ZFAND3: variants seen among roughly 807,000 people sequenced by gnomAD.
ZFAND3 encodes zinc finger AN1-type containing 3.
A neutral mutation model predicts 29.6 loss-of-function variants in ZFAND3; 10 were observed. The ratio of observed to expected loss-of-function variants is 0.34; its 90% confidence interval spans 0.21 to 0.57. The LOEUF (loss-of-function observed/expected upper bound fraction) is 0.57, where lower values mean the gene tolerates loss of function less well. Ranked by LOEUF, ZFAND3 falls within the 20% of genes least tolerant of loss-of-function variation. ZFAND3 has a pLI of 0.86. For missense variants in ZFAND3, 230 were observed against 304.5 expected, an observed-to-expected ratio of 0.76 and a Z score of 1.82; for synonymous variants, 128 against 112.6, an observed-to-expected ratio of 1.14 and a Z score of -0.87.
At chr6:38,038,837 A>T (rs879721722) in intron 2 of ZFAND3, among the ~76,000 whole-genome samples, 1 of 152,190 alleles carries the variant, frequency 6.6e-6, no homozygotes, top group Non-Finnish European at 1.5e-5. Context: ...AGCTGAATCT[A>T]TATCATATAA....
chr6:38,124,765 C>T (rs1765601563), intron 5 of ZFAND3, among the ~76,000 whole-genome samples: 1 of 152,226 alleles, frequency 6.6e-6, no homozygotes, highest in Non-Finnish European at 1.5e-5. Context: ...GAGGGGCCCC[C>T]ACAGCGCAGT....
At chr6:37,896,258 C>A (rs1296588909) in intron 1 of ZFAND3, among the ~76,000 whole-genome samples, 1 of 151,916 alleles carries the variant, frequency 6.6e-6, no homozygotes, top group Non-Finnish European at 1.5e-5. Context: ...TTACAAAAAA[C>A]CGTGGATGAA....
intron 2 of ZFAND3, among the ~76,000 whole-genome samples, chr6:37,940,217 G>A (rs1761787885): frequency 6.6e-6 from 1 of 152,216 alleles, no homozygotes; most frequent in Non-Finnish European, 1.5e-5. Flanking sequence ...GCACGGGACT[G>A]TTTTGTGCTT....
At chr6:37,944,163 T>C (rs981150182) in intron 2 of ZFAND3, among the ~76,000 whole-genome samples, 14 of 152,166 alleles carry the variant, frequency 9.2e-5, no homozygotes, top group African/African-American at 3.4e-4. Context: ...TTAGATGTGT[T>C]GATTATAATT....
At chr6:37,994,196 G>A (rs2127436721) in intron 2 of ZFAND3, among the ~76,000 whole-genome samples, 1 of 152,254 alleles carries the variant, frequency 6.6e-6, no homozygotes, top group East Asian at 1.9e-4. Flanking sequence ...TGATCCTGAA[G>A]ATGATGGAGT....
chr6:37,849,341 C>T (rs1581706794), intron 1 of ZFAND3, among the ~76,000 whole-genome samples: 1 of 152,302 alleles, frequency 6.6e-6, no homozygotes, highest in Middle Eastern at 3.4e-3. Flanking sequence ...TTCATAAACA[C>T]CTGTCTTCCC....
intron 2 of ZFAND3, among the ~76,000 whole-genome samples, chr6:38,027,714 G>A (rs767167147): frequency 4.6e-5 from 7 of 152,186 alleles, no homozygotes; most frequent in Non-Finnish European, 8.8e-5. Context: ...TGCAAAAGGC[G>A]GATGCTCTCA....
chr6:37,896,401 A>G (rs1765203714), intron 1 of ZFAND3, among the ~76,000 whole-genome samples: 1 of 152,064 alleles, frequency 6.6e-6, no homozygotes, highest in African/African-American at 2.4e-5. Context: ...GAAAAAACCC[A>G]ACTTTATTGT....
intron 5 of ZFAND3, among the ~76,000 whole-genome samples, chr6:38,129,720 G>A (rs1028593162): frequency 5.9e-5 from 9 of 151,706 alleles, no homozygotes; most frequent in Admixed American, 5.9e-4. Flanking sequence ...TGGTGACTAC[G>A]GCCTTATAGT....
At chr6:37,826,930 T>A (rs1239610381) in intron 1 of ZFAND3, among the ~76,000 whole-genome samples, 1 of 152,192 alleles carries the variant, frequency 6.6e-6, no homozygotes, top group Non-Finnish European at 1.5e-5. Context: ...AACTAGTGAT[T>A]ACCCTATTGA....
At chr6:38,025,455 C>T (rs1435344373) in intron 2 of ZFAND3, among the ~76,000 whole-genome samples, 1 of 152,000 alleles carries the variant, frequency 6.6e-6, no homozygotes, top group Non-Finnish European at 1.5e-5. Context: ...TTTTTTGAAA[C>T]TTGTATTAAC....
chr6:38,154,008 C>T lies in ZFAND3; in HGVS notation c.*1619C>T, dbSNP rs1288478401. Reference sequence around the variant, plus strand: ...CGACGTACTGAAATAGGAAGTCATGCTCTTCCCACCCTCCACCCACCAGAG... The same window carrying T: ...CGACGTACTGAAATAGGAAGTCATGTTCTTCCCACCCTCCACCCACCAGAG... On this transcript the variant is annotated 3_prime_UTR_variant, in exon 6 of 6. Coordinates refer to ENST00000287218, the MANE Select transcript of ZFAND3 (RefSeq NM_021943.3). The T allele has an allele frequency of 2.0e-6, 2 of 985,408 alleles. No individual in the cohort carries two copies. Among genetic ancestry groups the T allele is most frequent in the Admixed American group, 6.1e-5 (1 of 16,274 alleles). The allele number at this position is 985,408 out of a possible 1,614,324, so 61.0% of individuals were successfully genotyped here.
chr6:37,972,913 A>G (rs1425869485), intron 2 of ZFAND3, among the ~76,000 whole-genome samples: 1 of 152,164 alleles, frequency 6.6e-6, no homozygotes, highest in African/African-American at 2.4e-5. Flanking sequence ...CTGAAAGTAG[A>G]CCTGAATTAT....
chr6:38,001,267 A>G (rs1762943766), intron 2 of ZFAND3, among the ~76,000 whole-genome samples: 1 of 152,196 alleles, frequency 6.6e-6, no homozygotes, highest in South Asian at 2.1e-4. Context: ...TCCCCTAGAA[A>G]CAATGCTTTG....
intron 2 of ZFAND3, among the ~76,000 whole-genome samples, chr6:38,034,047 A>G (rs1005743260): frequency 6.6e-6 from 1 of 152,164 alleles, no homozygotes; most frequent in African/African-American, 2.4e-5. Flanking sequence ...CCTTTTGTCC[A>G]TTTAGGGATC....
intron 2 of ZFAND3, among the ~76,000 whole-genome samples, chr6:37,931,861 G>C (rs868116858): frequency 6.6e-6 from 1 of 152,158 alleles, no homozygotes; most frequent in Admixed American, 6.5e-5. Context: ...AATTGGGGAA[G>C]CTGACAGCTT....
intron 1 of ZFAND3, among the ~76,000 whole-genome samples, chr6:37,840,558 G>A (rs1764053661): frequency 6.6e-6 from 1 of 152,116 alleles, no homozygotes; most frequent in South Asian, 2.1e-4. Context: ...AATTACATAT[G>A]AATTTCATCA....
chr6:38,138,130 A>G (rs1422016805), intron 5 of ZFAND3, among the ~76,000 whole-genome samples: 1 of 152,102 alleles, frequency 6.6e-6, no homozygotes, highest in Non-Finnish European at 1.5e-5. Context: ...TGGGCAACAT[A>G]GTGAGACCTT....
At chr6:38,130,673 T>C (rs1463957301) in intron 5 of ZFAND3, among the ~76,000 whole-genome samples, 1 of 152,220 alleles carries the variant, frequency 6.6e-6, no homozygotes, top group Non-Finnish European at 1.5e-5. Flanking sequence ...CATTTGATCA[T>C]GGTGGATTAT....
Sources: gnomAD v4.1 joint callset for allele counts (sites outside exome capture counted in the v4.1 genomes callset) on GRCh38, gnomAD v4.1.1 for gene constraint, MANE v1.5 for transcripts, NCBI Gene and HGNC (gene_info 2026-07-23, HGNC 2026-07-21) for gene names.